The following TMC2 variants were observed in gnomAD, a reference collection of about 807,000 sequenced individuals.
TMC2 encodes the protein transmembrane channel-like protein 2.
TMC2 carries 102 observed loss-of-function variants against 105.9 expected under a neutral mutation model. That is an observed-to-expected ratio of 0.96 (90% CI 0.82 to 1.14). The LOEUF (loss-of-function observed/expected upper bound fraction) is 1.14. Ranked by LOEUF, TMC2 falls within the 50% of genes most tolerant of loss-of-function variation. The probability of loss-of-function intolerance (pLI) is 0.00; values close to 1 mark genes in which losing one functional copy is unlikely to be tolerated. For missense variants in TMC2, 1,093 were observed against 1,134.3 expected (o/e 0.96, Z 0.52); for synonymous variants, 402 against 422.8 (o/e 0.95, Z 0.60).
intron 1 of TMC2, 75 bp downstream of exon 1, chr20:2,536,730 T>C: frequency 1.3e-6 from 2 of 1,511,072 alleles, no homozygotes; most frequent in East Asian, 2.5e-5. Flanking sequence ...GGGAAGCACA[T>C]ATGGTGTTCA....
intron 14 of TMC2, among the ~76,000 whole-genome samples, chr20:2,615,148 T>G (rs575625044): frequency 1.3e-5 from 2 of 151,984 alleles, no homozygotes; most frequent in Non-Finnish European, 2.9e-5. Context: ...ATGGTGAAAC[T>G]CCATCTCTAC....
At chr20:2,597,772 A>G (rs2086319518) in intron 10 of TMC2, among the ~76,000 whole-genome samples, 1 of 151,788 alleles carries the variant, frequency 6.6e-6, no homozygotes, top group African/African-American at 2.4e-5. Context: ...TGCTGGGATT[A>G]CAGACATGAG....
At position 2,642,076 on chromosome 20, in the gene TMC2, C is replaced by T. The variant is rs8117479; in HGVS notation, c.*725C>T. 0.038 allele frequency among the ~76,000 whole-genome samples: 3,557 copies of T among 92,602 alleles called. 136 individuals are homozygous for T. Among genetic ancestry groups the T allele is most frequent in the African/African-American group, 0.12 (3,239 of 27,398 alleles). 60.8% of individuals were successfully genotyped at this position (92,602 alleles called of 152,430 possible). A position where few individuals can be genotyped will look rare whatever the true frequency, so the allele number is the denominator to read the frequency against. Reference sequence around the variant, plus strand: ...CTCCAGTCTGGGCAACAGAGTGAGACGCTGTCTTAACAACAACAAGTCTGG... The same window carrying T: ...CTCCAGTCTGGGCAACAGAGTGAGATGCTGTCTTAACAACAACAAGTCTGG... On this transcript the variant is annotated 3_prime_UTR_variant, in exon 20 of 20. Coordinates refer to ENST00000358864, the MANE Select transcript of TMC2 (RefSeq NM_080751.3).
chr20:2,627,572 C>A (rs2086573396), intron 17 of TMC2, among the ~76,000 whole-genome samples: 1 of 152,174 alleles, frequency 6.6e-6, no homozygotes. Flanking sequence ...TTCTGGGTCA[C>A]AAATTGGAAA....
chr20:2,561,379 C>G (rs1378963578), intron 3 of TMC2, among the ~76,000 whole-genome samples: 1 of 152,006 alleles, frequency 6.6e-6, no homozygotes, highest in Non-Finnish European at 1.5e-5. Context: ...ATCTGAATAG[C>G]CTTGCAGTAT....
At chr20:2,611,354 G>A (rs1363736879) in intron 12 of TMC2, among the ~76,000 whole-genome samples, 2 of 152,186 alleles carry the variant, frequency 1.3e-5, no homozygotes, top group African/African-American at 4.8e-5. Context: ...TTCTAAGCAT[G>A]GAAGTGACTG....
intron 17 of TMC2, among the ~76,000 whole-genome samples, chr20:2,626,795 G>A (rs2086567877): frequency 6.6e-6 from 1 of 152,272 alleles, no homozygotes; most frequent in South Asian, 2.1e-4. Flanking sequence ...TCCCTCCTGT[G>A]ACAGTTACTA....
At chr20:2,598,532 A>C (rs188470077) in intron 10 of TMC2, among the ~76,000 whole-genome samples, 22 of 152,120 alleles carry the variant, frequency 1.4e-4, no homozygotes, top group African/African-American at 5.3e-4. Flanking sequence ...CTCCTGCTTC[A>C]GCCTCTTGAG....
At chr20:2,612,070 C>A in intron 12 of TMC2, 121 bp from the exon 13 acceptor site, 3 of 1,020,778 alleles carry the variant, frequency 2.9e-6, no homozygotes, top group Non-Finnish European at 4.2e-6. Context: ...AGGACTCTGT[C>A]CAGGGGAGAG....
chr20:2,542,170 C>T (rs1008642635), intron 2 of TMC2, among the ~76,000 whole-genome samples: 2 of 152,098 alleles, frequency 1.3e-5, no homozygotes, highest in Admixed American at 6.5e-5. Flanking sequence ...GATTGAATTA[C>T]ATATGTACAA....
intron 10 of TMC2, among the ~76,000 whole-genome samples, chr20:2,598,724 AATC>A (rs1251473059): frequency 6.6e-6 from 1 of 152,068 alleles, no homozygotes. Context: ...TCTACTTTAA[AATC>A]ACCATTTATT....
chr20:2,554,039 C>T (rs2085972264), intron 2 of TMC2, among the ~76,000 whole-genome samples: 1 of 152,018 alleles, frequency 6.6e-6, no homozygotes, highest in African/African-American at 2.4e-5. Flanking sequence ...CACCCGCCAC[C>T]ATACCCGGCT....
At chr20:2,541,556 T>C (rs2085889810) in intron 2 of TMC2, among the ~76,000 whole-genome samples, 3 of 150,686 alleles carry the variant, frequency 2.0e-5, no homozygotes, top group Admixed American at 1.3e-4. Flanking sequence ...CACAAGAATC[T>C]CTTGAATCTG....
Position 2,558,430 on chromosome 20 carries a change from A to G in TMC2, c.83-26A>G, listed in dbSNP as rs1381206929. ...CTGGGCCTGAGGCCGTTGGAACCAGAACTGTCCATTTTCCCGCCCCGGCAG... is the reference window on the plus strand; with the variant it reads ...CTGGGCCTGAGGCCGTTGGAACCAGGACTGTCCATTTTCCCGCCCCGGCAG... On this transcript the variant is annotated intron_variant, in intron 2 of 19. Transcript: ENST00000358864. The surrounding 1 kb of genome is among the most constrained non-coding windows in gnomAD (Gnocchi z 4.6). 3 of 1,550,922 alleles carry G rather than the reference A, an allele frequency of 1.9e-6. No individual in the cohort carries two copies. The highest frequency in any genetic ancestry group is 2.6e-6 in the Non-Finnish European group (3 of 1,147,144).
At chr20:2,565,677 T>G (rs149809998) in intron 4 of TMC2, among the ~76,000 whole-genome samples, 1 of 152,286 alleles carries the variant, frequency 6.6e-6, no homozygotes, top group Non-Finnish European at 1.5e-5. Context: ...AATAGTAGTG[T>G]GGGGGCCCCA....
In TMC2 at chr20:2,642,062, G is replaced by C. The variant is rs550920983; in HGVS notation, c.*711G>C. Reference sequence around the variant, plus strand: ...ATCACGTCACTGCACTCCAGTCTGGGCAACAGAGTGAGACGCTGTCTTAAC... The same window carrying C: ...ATCACGTCACTGCACTCCAGTCTGGCCAACAGAGTGAGACGCTGTCTTAAC... On this transcript the variant is annotated 3_prime_UTR_variant, in exon 20 of 20. Coordinates refer to ENST00000358864, the MANE Select transcript of TMC2 (RefSeq NM_080751.3). 4.4e-5 allele frequency among the ~76,000 whole-genome samples: 6 copies of C among 136,834 alleles called. No homozygotes were observed. In the East Asian group the frequency reaches 1.5e-3, roughly 33 times the overall value. The allele number at this position is 136,834 out of a possible 152,430, so 89.8% of individuals were successfully genotyped here. A position where few individuals can be genotyped will look rare whatever the true frequency, so the allele number is the denominator to read the frequency against.
chr20:2,581,067 G>A (rs968508292), intron 7 of TMC2, among the ~76,000 whole-genome samples: 15 of 152,162 alleles, frequency 9.9e-5, no homozygotes, highest in African/African-American at 3.6e-4. Context: ...CCTCACAGGT[G>A]TATTAATTGG....
Position 2,616,096 on chromosome 20 carries a change from T to A in TMC2, c.1873-41T>A, listed in dbSNP as rs1393869953. On this transcript the variant is annotated intron_variant, in intron 14 of 19. Transcript: ENST00000358864. This position sits in a 1 kb window ranked among gnomAD's most constrained non-coding sequence, Gnocchi z 4.8. ...TGGCTGAATTCACCAAACGTGCTTT[T>A]TTTTTTCTCTCTCTCTCTCGCTCCC... is the stretch of plus-strand genomic sequence containing the variant. 6 of 1,569,550 alleles carry A rather than the reference T, an allele frequency of 3.8e-6. No individual in the cohort carries two copies. The highest frequency in any genetic ancestry group is 5.3e-6 in the Non-Finnish European group (6 of 1,142,370).
intron 4 of TMC2, among the ~76,000 whole-genome samples, chr20:2,569,351 C>T (rs866511408): frequency 6.6e-6 from 1 of 152,240 alleles, no homozygotes; most frequent in South Asian, 2.1e-4. Flanking sequence ...CATTCACTCA[C>T]TCAGTCAACA....
Sources: allele counts gnomAD v4.1 joint callset (sites outside exome capture counted in the v4.1 genomes callset), GRCh38; gene constraint gnomAD v4.1.1; non-coding constraint Gnocchi (gnomAD v3.1); transcripts MANE v1.5; gene names NCBI Gene and HGNC (gene_info 2026-07-23, HGNC 2026-07-21).